Variants in PSMA4 observed in about 807,000 individuals in gnomAD.
PSMA4 encodes the protein proteasome subunit alpha type-4.
A neutral mutation model predicts 37.2 loss-of-function variants in PSMA4; 8 were observed. The observed-to-expected ratio is 0.22, with a 90% confidence interval of 0.13 to 0.39. PSMA4 has a LOEUF of 0.39. Ranked by LOEUF, PSMA4 falls within the 10% of genes least tolerant of loss-of-function variation. The probability of loss-of-function intolerance (pLI) is 1.00; values close to 1 mark genes in which losing one functional copy is unlikely to be tolerated. For missense variants in PSMA4, 169 were observed against 305.1 expected (o/e 0.55, Z 3.32); for synonymous variants, 93 against 98.8 (o/e 0.94, Z 0.35).
chr15:78,542,180 C>T lies in PSMA4; in HGVS notation c.7C>T (p.Arg3Ter), dbSNP rs2052466027. 2 of 1,611,874 alleles carry T rather than the reference C, an allele frequency of 1.2e-6. No individual in the cohort carries two copies. Among genetic ancestry groups the T allele is most frequent in the Non-Finnish European group, 1.7e-6 (2 of 1,179,170 alleles). The change falls in exon 3 of 9, where the codon CGA (arginine) becomes TGA (stop). Residue 3 changes from arginine to a stop codon, truncating the protein, a stop_gained. Coordinates refer to ENST00000044462, the MANE Select transcript of PSMA4 (RefSeq NM_002789.6). LOFTEE classifies it high-confidence loss of function. ...CTCATGTGTTTTTCCTTTGCAGTCTCGAAGATATGACTCCAGGACCACTAT... is the reference window on the plus strand; with the variant it reads ...CTCATGTGTTTTTCCTTTGCAGTCTTGAAGATATGACTCCAGGACCACTAT... MS[R>*]RYDSRTTIFS... is the part of the protein sequence containing the mutation.
chr15:78,545,583 T>G, intron 6 of PSMA4, 51 bp from the exon 7 acceptor site: 1 of 1,585,650 alleles, frequency 6.3e-7, no homozygotes, highest in Non-Finnish European at 8.7e-7. Flanking sequence ...GTAACTGTAG[T>G]GATACTAAAT....
At chr15:78,543,495 TC>T (rs1263678703) in intron 4 of PSMA4, among the ~76,000 whole-genome samples, 1 of 150,464 alleles carries the variant, frequency 6.6e-6, no homozygotes, top group Non-Finnish European at 1.5e-5. Flanking sequence ...CCTGCCATTG[TC>T]CCCTGTCACC....
intron 8 of PSMA4, among the ~76,000 whole-genome samples, chr15:78,547,058 G>A (rs2869544): frequency 0.67 from 101,324 of 152,148 alleles, 34,437 homozygotes; most frequent in East Asian, 0.83. Flanking sequence ...GAGCCATTGC[G>A]CCCAGCCAGC....
At chr15:78,541,756 G>C in intron 1 of PSMA4, 149 bp from the exon 2 acceptor site, 1 of 674,210 alleles carries the variant, frequency 1.5e-6, no homozygotes, top group South Asian at 1.9e-5. Flanking sequence ...GACAGGAACT[G>C]GTTTTACACA....
intron 8 of PSMA4, among the ~76,000 whole-genome samples, chr15:78,548,030 G>C (rs2052585191): frequency 6.6e-6 from 1 of 151,978 alleles, no homozygotes; most frequent in African/African-American, 2.4e-5. Flanking sequence ...AGGAGTTCAA[G>C]ACCAGGTTGG....
Sources: gnomAD v4.1 joint callset for allele counts (sites outside exome capture counted in the v4.1 genomes callset) on GRCh38, gnomAD v4.1.1 for gene constraint, MANE v1.5 for transcripts, NCBI Gene and HGNC (gene_info 2026-07-23, HGNC 2026-07-21) for gene names.